The following KLHL7 variants were observed in gnomAD, a reference collection of about 807,000 sequenced individuals.
KLHL7 encodes kelch like family member 7.
A neutral mutation model predicts 67.4 loss-of-function variants in KLHL7; 44 were observed. The ratio of observed to expected loss-of-function variants is 0.65; its 90% CI spans 0.51 to 0.84. The LOEUF (loss-of-function observed/expected upper bound fraction) is 0.84. Among genes scored for constraint, KLHL7 ranks in the 40% least tolerant of loss-of-function variants. The pLI, the probability that KLHL7 is intolerant of heterozygous loss-of-function variation, is 0.00. For synonymous variants in KLHL7, 252 were observed against 243.3 expected (o/e 1.04, Z -0.33); for missense variants, 362 against 718.1 (o/e 0.50, Z 5.67).
In KLHL7 at chr7:23,137,484, C is replaced by CT. The variant is rs529297991; in HGVS notation, c.443-3271dup. ...AGCAAAAGGCAGTGACCAAAACTGT[C>CT]TTTTTTTTTTTTTTGACAGAGTCTC... On this transcript the variant is annotated intron_variant, in intron 4 of 10. Transcript: ENST00000339077. Among the ~76,000 whole-genome samples, 307 of 141,596 alleles carry CT rather than the reference C, an allele frequency of 2.2e-3. 1 individual carries two copies. The highest frequency in any genetic ancestry group is 3.5e-3 in the Middle Eastern group (1 of 282). 92.9% of individuals were successfully genotyped at this position (141,596 alleles called of 152,430 possible).
intron 7 of KLHL7, among the ~76,000 whole-genome samples, chr7:23,156,850 G>A (rs1562585400): frequency 6.6e-6 from 1 of 152,282 alleles, no homozygotes; most frequent in East Asian, 1.9e-4. Flanking sequence ...AAGGATGAAT[G>A]AACCAATATA....
chr7:23,105,855 C>T lies in KLHL7; in HGVS notation c.-172C>T. 1 of 988,502 alleles carries T rather than the reference C, an allele frequency of 1.0e-6. No individual in the cohort carries two copies. Among genetic ancestry groups the T allele is most frequent in the East Asian group, 2.7e-5 (1 of 37,528 alleles). 61.2% of individuals were successfully genotyped at this position (988,502 alleles called of 1,614,324 possible). On this transcript the variant is annotated 5_prime_UTR_variant, in exon 1 of 11. Transcript: ENST00000339077. ...AGCGTTTCTAAGGGGGCCGCCCGGC[C>T]TTGTCTTTCGGCAGTGGCCGAGCCA...
At chr7:23,155,682 A>G (rs1784682815) in intron 7 of KLHL7, among the ~76,000 whole-genome samples, 1 of 152,058 alleles carries the variant, frequency 6.6e-6, no homozygotes, top group South Asian at 2.1e-4. Context: ...ACAAAACAAA[A>G]CAAAACAAAA....
intron 1 of KLHL7, among the ~76,000 whole-genome samples, chr7:23,121,211 C>G (rs973644724): frequency 3.9e-5 from 6 of 152,122 alleles, no homozygotes; most frequent in African/African-American, 1.4e-4. Context: ...TGTATATATA[C>G]CATATTTTCT....
intron 1 of KLHL7, among the ~76,000 whole-genome samples, chr7:23,112,236 TGGA>T (rs1178617362): frequency 6.6e-6 from 1 of 152,170 alleles, no homozygotes; most frequent in Non-Finnish European, 1.5e-5. Flanking sequence ...CATAACTAAA[TGGA>T]TGATGACACT....
At chr7:23,171,645 G>T (rs943048985) in intron 9 of KLHL7, among the ~76,000 whole-genome samples, 1 of 152,238 alleles carries the variant, frequency 6.6e-6, no homozygotes, top group Non-Finnish European at 1.5e-5. Flanking sequence ...TAAGACAAAA[G>T]AATTGTTAAT....
At chr7:23,141,478 C>G (rs1203784668) in intron 5 of KLHL7, among the ~76,000 whole-genome samples, 1 of 152,222 alleles carries the variant, frequency 6.6e-6, no homozygotes, top group Admixed American at 6.5e-5. Context: ...TGTAGAGTCT[C>G]CAGGCAGACA....
chr7:23,148,551 C>G (rs1275026696), intron 6 of KLHL7, among the ~76,000 whole-genome samples: 1 of 152,126 alleles, frequency 6.6e-6, no homozygotes, highest in African/African-American at 2.4e-5. Context: ...AAGAAGATGC[C>G]TTTACATTAG....
chr7:23,105,877 G>C lies in KLHL7; in HGVS notation c.-150G>C. 1 of 1,240,536 alleles carries C rather than the reference G, an allele frequency of 8.1e-7. No individual in the cohort carries two copies. Among genetic ancestry groups the C allele is most frequent in the Non-Finnish European group, 1.1e-6 (1 of 882,708 alleles). 76.8% of individuals were successfully genotyped at this position (1,240,536 alleles called of 1,614,324 possible). A position where few individuals can be genotyped will look rare whatever the true frequency, so the allele number is the denominator to read the frequency against. On this transcript the variant is annotated 5_prime_UTR_variant, in exon 1 of 11. Transcript: ENST00000339077. The stretch of plus-strand genomic sequence containing the variant: ...GGCCTTGTCTTTCGGCAGTGGCCGA[G>C]CCACCGCCGCCTGCCGCGCGTTCCA...
At chr7:23,153,439 C>G (rs1034201071) in intron 7 of KLHL7, among the ~76,000 whole-genome samples, 1 of 152,122 alleles carries the variant, frequency 6.6e-6, no homozygotes, top group South Asian at 2.1e-4. Context: ...TTGGAACCTC[C>G]GTAAGCCCAG....
intron 4 of KLHL7, among the ~76,000 whole-genome samples, chr7:23,127,232 G>A (rs1783608074): frequency 6.6e-6 from 1 of 152,184 alleles, no homozygotes; most frequent in African/African-American, 2.4e-5. Flanking sequence ...ATGTGGTGGT[G>A]CAAAGCATAG....
Position 23,174,722 on chromosome 7 carries a change from G to T in KLHL7, c.*424G>T, listed in dbSNP as rs1482046985. Reference sequence around the variant, plus strand: ...CAAGAACTAAGAAATAGTATGAATTGTAAGTCAAGATGGGCAACTCAGATG... The same window carrying T: ...CAAGAACTAAGAAATAGTATGAATTTTAAGTCAAGATGGGCAACTCAGATG... On this transcript the variant is annotated 3_prime_UTR_variant, in exon 11 of 11. Transcript: ENST00000339077. The T allele has an allele frequency of 4.4e-6, 2 of 455,156 alleles. No individual in the cohort carries two copies. 28.2% of individuals were successfully genotyped at this position (455,156 alleles called of 1,614,324 possible). A position where few individuals can be genotyped will look rare whatever the true frequency, so the allele number is the denominator to read the frequency against.
rs1453194318 is a variant in KLHL7 at position 23,125,848 on chromosome 7, C to G, written c.442+676C>G. The G allele has an allele frequency of 1.9e-6, 3 of 1,550,554 alleles. No individual in the cohort carries two copies. In the South Asian group the frequency reaches 3.6e-5, roughly 18 times the overall value. The stretch of plus-strand genomic sequence containing the variant: ...TCCTTAGTGGCACATGAATGAACGT[C>G]CAGATGTTTGTGCAGTAGCCCACCC... On this transcript the variant is annotated intron_variant, in intron 4 of 10. Coordinates refer to ENST00000339077, the MANE Select transcript of KLHL7 (RefSeq NM_001031710.3).
Position 23,167,907 on chromosome 7 carries a change from C to G in KLHL7, c.1249C>G (p.Leu417Val), listed in dbSNP as rs141053340. The G allele has an allele frequency of 1.2e-6, 2 of 1,614,128 alleles. No homozygotes were observed. The highest frequency in any genetic ancestry group is 1.7e-6 in the Non-Finnish European group (2 of 1,180,054). Residue 417 changes from leucine to valine, a missense_variant, in exon 9 of 11, where the codon CTG becomes GTG. Leu to Val is a conservative substitution (Grantham distance 32). Around this residue, in one of 5 missense-constraint regions of KLHL7, gnomAD observed 136 missense variants for 252.7 expected, o/e 0.54. Transcript: ENST00000339077. ...TESWHTKPSM[L>V]TQRCSHGMVE... The stretch of plus-strand genomic sequence containing the variant: ...AAGCTGGCACACAAAGCCCAGCATG[C>G]TGACCCAGCGCTGCAGCCATGGGAT...
At chr7:23,157,175 TGA>T (rs1562585662) in intron 7 of KLHL7, among the ~76,000 whole-genome samples, 4 of 152,242 alleles carry the variant, frequency 2.6e-5, no homozygotes, top group South Asian at 2.1e-4. Context: ...CACAAAAAAT[TGA>T]GAGTTTTATA....
intron 7 of KLHL7, among the ~76,000 whole-genome samples, chr7:23,159,109 A>G (rs1296565661): frequency 6.6e-6 from 1 of 152,228 alleles, no homozygotes; most frequent in African/African-American, 2.4e-5. Context: ...AAAAAAAAGG[A>G]AATTAGACAT....
chr7:23,177,758 A>T lies in KLHL7; in HGVS notation c.*3460A>T, dbSNP rs1344174044. ...TCTTAAAAAAATTGTTGCTATTTGA[A>T]AAAAACAAAACAAAACATATACTTG... On this transcript the variant is annotated 3_prime_UTR_variant, in exon 11 of 11. Coordinates refer to ENST00000339077, the MANE Select transcript of KLHL7 (RefSeq NM_001031710.3). 1 of 152,200 alleles carries T rather than the reference A, an allele frequency of 6.6e-6. No homozygotes were observed. The highest frequency in any genetic ancestry group is 2.4e-5 in the African/African-American group (1 of 41,452). 9.4% of individuals were successfully genotyped at this position (152,200 alleles called of 1,614,324 possible). A position where few individuals can be genotyped will look rare whatever the true frequency, so the allele number is the denominator to read the frequency against.
At chr7:23,106,263 C>G in intron 1 of KLHL7, 117 bp downstream of exon 1, 1 of 1,534,524 alleles carries the variant, frequency 6.5e-7, no homozygotes, top group Non-Finnish European at 8.8e-7. Context: ...TCTGTCCTCG[C>G]CCCTCCTTCC....
chr7:23,125,976 G>A, intron 4 of KLHL7: 1 of 826,068 alleles, frequency 1.2e-6, no homozygotes, highest in South Asian at 1.4e-5. Flanking sequence ...ACATGCCTAT[G>A]ATGAAGTTTA....
Sources: allele counts gnomAD v4.1 joint callset (sites outside exome capture counted in the v4.1 genomes callset), GRCh38; gene constraint gnomAD v4.1.1; regional missense constraint gnomAD v4.1.1; transcripts MANE v1.5; gene names NCBI Gene and HGNC (gene_info 2026-07-23, HGNC 2026-07-21).